SRRD: variants seen among roughly 807,000 people sequenced by gnomAD.
SRRD encodes SRR1 domain containing, also known as SRR1-like protein.
In SRRD, 28 loss-of-function variants were observed where a neutral mutation model predicts 30.7. The observed-to-expected ratio is 0.91, with a 90% CI of 0.68 to 1.25. The LOEUF (loss-of-function observed/expected upper bound fraction) is 1.25. Among genes scored for constraint, SRRD ranks in the 50% most tolerant of loss-of-function variants. The pLI is 0.00. For synonymous variants in SRRD, 161 were observed against 159.6 expected (o/e 1.01, Z -0.07); for missense variants, 415 against 417.3 (o/e 0.99, Z 0.05).
rs1921392009 is a variant in SRRD at position 26,492,862 on chromosome 22, C to CAT, written c.*1192_*1193dup. The CAT allele has an allele frequency of 6.2e-6, 1 of 161,116 alleles. No individual in the cohort carries two copies. The allele number at this position is 161,116 out of a possible 1,614,324, so 10.0% of individuals were successfully genotyped here. A position where few individuals can be genotyped will look rare whatever the true frequency, so the allele number is the denominator to read the frequency against. ...AGTGTTTAAAGGATAATACCAAGAC[C>CAT]ATAAATGCTAAGTGCTAATTGAGGG... On this transcript the variant is annotated 3_prime_UTR_variant, in exon 7 of 7. Transcript: ENST00000215917.
chr22:26,490,731 T>G, intron 5 of SRRD: 40 of 322,616 alleles, frequency 1.2e-4, no homozygotes, highest in Non-Finnish European at 1.4e-4. Flanking sequence ...GCCCGGCTGA[T>G]TTTTTTATTT....
intron 5 of SRRD, 170 bp from the exon 6 acceptor site, chr22:26,490,855 A>T (rs1921077065): frequency 1.6e-6 from 1 of 617,760 alleles, no homozygotes; most frequent in African/African-American, 1.9e-5. Flanking sequence ...CCTGGCCCAC[A>T]TTTTCAACTA....
intron 4 of SRRD, among the ~76,000 whole-genome samples, chr22:26,488,703 T>C (rs1221099044): frequency 1.3e-5 from 2 of 152,250 alleles, no homozygotes; most frequent in African/African-American, 4.8e-5. Context: ...ACAGATAGCA[T>C]GAACCAGAAC....
chr22:26,491,071 GTATC>G lies in SRRD; in HGVS notation c.810+7_810+10del. ...GAAAAATTATCCCTACATTGCAAAG[GTATC>G]TATCTGAATAAAGGGGCTGGGATGG... On this transcript the variant is annotated splice_donor_variant and splice_donor_5th_base_variant and intron_variant, in intron 6 of 6. Coordinates refer to ENST00000215917, the MANE Select transcript of SRRD (RefSeq NM_001013694.3). LOFTEE classifies it high-confidence loss of function. The G allele has an allele frequency of 6.2e-7, 1 of 1,611,998 alleles. No individual in the cohort carries two copies. Among genetic ancestry groups the G allele is most frequent in the Non-Finnish European group, 8.5e-7 (1 of 1,179,344 alleles).
chr22:26,490,559 C>CTTTTTTTTTTTTGTTTTTTTT (rs1921030891), intron 5 of SRRD, among the ~76,000 whole-genome samples: 2 of 51,834 alleles, frequency 3.9e-5, no homozygotes, highest in African/African-American at 7.3e-5. Context: ...GGAATATTTG[C>CTTTTTTTTTTTTGTTTTTTTT]TTTTTTTTTT....
intron 1 of SRRD, 87 bp from the exon 2 acceptor site, chr22:26,485,936 A>G: frequency 6.6e-7 from 1 of 1,512,932 alleles, no homozygotes; most frequent in Non-Finnish European, 9.2e-7. Context: ...CTCATTCTGT[A>G]AGCATTCAGG....
chr22:26,485,946 G>A (rs2091705479), intron 1 of SRRD, 77 bp from the exon 2 acceptor site: 1 of 1,566,422 alleles, frequency 6.4e-7, no homozygotes, highest in Non-Finnish European at 8.8e-7. Context: ...AAGCATTCAG[G>A]TCATGATCAG....
Position 26,490,191 on chromosome 22 carries a change from G to A in SRRD, c.757G>A (p.Glu253Lys). The A allele has an allele frequency of 6.2e-7, 1 of 1,614,150 alleles. No individual in the cohort carries two copies. Among genetic ancestry groups the A allele is most frequent in the South Asian group, 1.1e-5 (1 of 91,072 alleles). The change falls in exon 5 of 7, where the codon GAG (glutamate) becomes AAG (lysine). Residue 253 changes from glutamate to lysine, a missense_variant. By Grantham distance (56) the Glu-to-Lys change is moderately conservative. Coordinates refer to ENST00000215917, the MANE Select transcript of SRRD (RefSeq NM_001013694.3). ...VIIGNSFKGL[E>K]ERLLARILQK... ...CATTGGGAACAGTTTCAAAGGACTTGAGGAGAGGTAAGTCTGAGAATGCTG... is the reference window on the plus strand; with the variant it reads ...CATTGGGAACAGTTTCAAAGGACTTAAGGAGAGGTAAGTCTGAGAATGCTG...
rs999454431 is a variant in SRRD, at chr22:26,491,625, C to T, written c.973C>T (p.Leu325Phe). The T allele has an allele frequency of 1.2e-6, 2 of 1,613,754 alleles. No homozygotes were observed. Among genetic ancestry groups the T allele is most frequent in the African/African-American group, 2.7e-5 (2 of 74,918 alleles). The part of the protein sequence containing the change: ...EEPDYQDCED[L>F]EIIRNKREDP... The stretch of plus-strand genomic sequence containing the variant: ...ACCAGATTATCAGGACTGTGAGGAC[C>T]TTGAAATCATCAGGAACAAGAGAGA... Residue 325 changes from leucine to phenylalanine, a missense_variant, in exon 7 of 7, where the codon CTT becomes TTT. Leu to Phe is a conservative substitution (Grantham distance 22, BLOSUM62 0). Transcript: ENST00000215917.
Position 26,488,171 on chromosome 22 carries a change from C to T in SRRD, c.393C>T (p.Ile131=). 6.2e-7 allele frequency: 1 copy of T among 1,614,208 alleles called. No homozygotes were observed. ...DVATDSIPRE[I]LVTGTCHLKC... is the part of the protein sequence containing the mutation. ...CCACTGATTCTATCCCAAGAGAGATCTTGGTCACAGGAACCTGCCATTTGA... is the reference window on the plus strand; with the variant it reads ...CCACTGATTCTATCCCAAGAGAGATTTTGGTCACAGGAACCTGCCATTTGA... The change falls in exon 3 of 7, where the codon ATC becomes ATT. Residue 131 remains isoleucine (I), a synonymous_variant. Coordinates refer to ENST00000215917, the MANE Select transcript of SRRD (RefSeq NM_001013694.3).
intron 1 of SRRD, among the ~76,000 whole-genome samples, chr22:26,485,044 G>A (rs913191568): frequency 6.6e-6 from 1 of 152,184 alleles, no homozygotes; most frequent in Non-Finnish European, 1.5e-5. Flanking sequence ...GGCTCAGCCT[G>A]AATAAAAAGC....
intron 4 of SRRD, among the ~76,000 whole-genome samples, chr22:26,489,673 G>A (rs1178677494): frequency 6.6e-6 from 1 of 152,084 alleles, no homozygotes; most frequent in Non-Finnish European, 1.5e-5. Flanking sequence ...AGATCTGCAG[G>A]AAGTGACATA....
At chr22:26,489,767 G>A (rs1920982258) in intron 4 of SRRD, among the ~76,000 whole-genome samples, 1 of 152,136 alleles carries the variant, frequency 6.6e-6, no homozygotes, top group Admixed American at 6.5e-5. Context: ...CATAGACCCA[G>A]GAAGCCCCTC....
intron 1 of SRRD, among the ~76,000 whole-genome samples, chr22:26,485,557 T>C (rs1184348085): frequency 2.6e-5 from 4 of 152,334 alleles, no homozygotes; most frequent in African/African-American, 4.8e-5. Flanking sequence ...CTATTTATAA[T>C]AACAAATACC....
chr22:26,485,644 G>T (rs1464583431), intron 1 of SRRD, among the ~76,000 whole-genome samples: 1 of 152,190 alleles, frequency 6.6e-6, no homozygotes, highest in Non-Finnish European at 1.5e-5. Context: ...ACTCCTCCGT[G>T]TTGGGAATGA....
chr22:26,484,235 C>A (rs1044051711), intron 1 of SRRD, 136 bp downstream of exon 1: 3 of 976,986 alleles, frequency 3.1e-6, no homozygotes, highest in Middle Eastern at 3.1e-4. Flanking sequence ...AGGTAACGAG[C>A]TCATTAAAGA....
chr22:26,489,069 A>T (rs1280716537), intron 4 of SRRD, among the ~76,000 whole-genome samples: 1 of 152,152 alleles, frequency 6.6e-6, no homozygotes, highest in East Asian at 1.9e-4. Context: ...TCGGTTTTGT[A>T]TTGTCTTGGG....
rs780603679 is a variant in SRRD, at chr22:26,494,352, G to A, written c.*2680G>A. On this transcript the variant is annotated 3_prime_UTR_variant, in exon 7 of 7. Coordinates refer to ENST00000215917, the MANE Select transcript of SRRD (RefSeq NM_001013694.3). ...GCATCCATCGTGGCAACAAATGAAG[G>A]CAAGATTTCTGAAGTGGCCATTTGT... 2 of 1,611,832 alleles carry A rather than the reference G, an allele frequency of 1.2e-6. No homozygotes were observed.
Position 26,483,935 on chromosome 22 carries a change from G to A in SRRD, c.45G>A (p.Ala15=), listed in dbSNP as rs1569145597. ...CGGCGCTGGAATCCTGGCAGGCGGC[G>A]GCTCCGCGGAAGAGGCGCTCCGCGG... ...AAAALESWQA[A]APRKRRSAAR... is the part of the protein sequence containing the mutation. Residue 15 remains alanine, a synonymous_variant, in exon 1 of 7, where the codon GCG becomes GCA. Transcript: ENST00000215917. 1.5e-6 allele frequency: 2 copies of A among 1,351,868 alleles called. No homozygotes were observed. The allele number at this position is 1,351,868 out of a possible 1,614,324, so 83.7% of individuals were successfully genotyped here.
Sources: gnomAD v4.1 joint callset for allele counts (sites outside exome capture counted in the v4.1 genomes callset) on GRCh38, gnomAD v4.1.1 for gene constraint, MANE v1.5 for transcripts, NCBI Gene and HGNC (gene_info 2026-07-23, HGNC 2026-07-21) for gene names.